The following CCDC82 variants were observed in gnomAD, a reference collection of about 807,000 sequenced individuals.
The protein encoded by CCDC82 is coiled-coil domain-containing protein 82.
CCDC82 carries 47 observed loss-of-function variants against 60.6 expected under a neutral mutation model. The observed-to-expected ratio is 0.77, with a 90% CI of 0.61 to 0.99. The LOEUF is 0.99. Ranked by LOEUF, CCDC82 falls within the 50% of genes least tolerant of loss-of-function variation. CCDC82 has a pLI of 0.00. For synonymous variants in CCDC82, 212 were observed against 207.4 expected (o/e 1.02, Z -0.19); for missense variants, 588 against 633.0 (o/e 0.93, Z 0.76).
At chr11:96,357,901 A>C in intron 9 of CCDC82, 3 of 985,438 alleles carry the variant, frequency 3.0e-6, no homozygotes, top group Non-Finnish European at 3.6e-6. Context: ...AAAGCTGAAA[A>C]GAATAAAATG....
At chr11:96,358,106 ATT>A in intron 9 of CCDC82, 1 of 985,444 alleles carries the variant, frequency 1.0e-6, no homozygotes, top group South Asian at 4.7e-5. Context: ...CTCTTGCCTT[ATT>A]TTTTATATTC....
intron 9 of CCDC82, chr11:96,357,756 A>G (rs1313696206): frequency 1.0e-6 from 1 of 985,334 alleles, no homozygotes; most frequent in Non-Finnish European, 1.2e-6. Flanking sequence ...AAAGCACTTA[A>G]GAATTTAATG....
chr11:96,354,205 G>T (rs1215685787), intron 9 of CCDC82: 1 of 152,344 alleles, frequency 6.6e-6, no homozygotes, highest in African/African-American at 2.4e-5. Context: ...GATAGGTCAT[G>T]GTTAGTTGAG....
chr11:96,372,723 TATATATAA>T (rs1188087225), intron 6 of CCDC82, among the ~76,000 whole-genome samples: 6 of 141,150 alleles, frequency 4.3e-5, no homozygotes, highest in Non-Finnish European at 6.0e-5. Flanking sequence ...TATATATTTA[TATATATAA>T]ATATATAAAT....
In CCDC82 at chr11:96,364,944, A is replaced by G. The variant is rs764752859; in HGVS notation, c.1380+36T>C. 5.2e-6 allele frequency: 8 copies of G among 1,538,464 alleles called. No homozygotes were observed. In the South Asian group the frequency reaches 1.0e-4, roughly 19 times the overall value. ...GATTATTTATGAAATAAAAATTTCT[A>G]AATACTGAAAATTAAGATTAGAGGG... On this transcript the variant is annotated intron_variant, in intron 8 of 9. Coordinates refer to ENST00000646818, the MANE Select transcript of CCDC82 (RefSeq NM_024725.4).
chr11:96,371,597 T>TA (rs1211442709), intron 6 of CCDC82, among the ~76,000 whole-genome samples: 1 of 152,208 alleles, frequency 6.6e-6, no homozygotes, highest in East Asian at 1.9e-4. Context: ...GTTCCCTTTG[T>TA]AAGCATCAAG....
intron 5 of CCDC82, among the ~76,000 whole-genome samples, chr11:96,378,847 A>G (rs895993307): frequency 2.0e-5 from 3 of 151,958 alleles, no homozygotes; most frequent in Non-Finnish European, 4.4e-5. Context: ...ATATAAAGAG[A>G]CACTAATAGG....
intron 8 of CCDC82, among the ~76,000 whole-genome samples, chr11:96,362,350 G>A (rs1406130866): frequency 6.6e-6 from 1 of 152,184 alleles, no homozygotes; most frequent in Non-Finnish European, 1.5e-5. Flanking sequence ...CTGGGGAAAA[G>A]TTTGTTTTCT....
chr11:96,368,009 C>T (rs1368646004), intron 7 of CCDC82, among the ~76,000 whole-genome samples: 12 of 151,752 alleles, frequency 7.9e-5, no homozygotes, highest in East Asian at 3.9e-4. Context: ...TTAGTAGATA[C>T]GGGGTTTCAC....
chr11:96,375,003 A>G (rs1001087559), intron 5 of CCDC82, among the ~76,000 whole-genome samples: 2 of 149,938 alleles, frequency 1.3e-5, no homozygotes, highest in African/African-American at 5.0e-5. Flanking sequence ...AAGAAATAAT[A>G]CTTCAATAGA....
At position 96,383,997 on chromosome 11, in the gene CCDC82, A is replaced by G; in HGVS notation, c.751T>C (p.Ser251Pro). 1 of 1,613,206 alleles carries G rather than the reference A, an allele frequency of 6.2e-7. No individual in the cohort carries two copies. The highest frequency in any genetic ancestry group is 8.5e-7 in the Non-Finnish European group (1 of 1,179,546). ...CTACCACTACTGCGTCTCTGACGAG[A>G]TCTTTGTTTTGAGAGTTCTTTGAGC... ...QKLKELSKQR[S>P]RQRRSSGRDF... Residue 251 changes from serine (S) to proline (P), a missense_variant, in exon 4 of 10, where the codon TCT becomes CCT. Transcript: ENST00000646818.
intron 7 of CCDC82, among the ~76,000 whole-genome samples, chr11:96,367,047 TAACAATCATCTG>T (rs1235589239): frequency 6.6e-6 from 1 of 152,228 alleles, no homozygotes; most frequent in Non-Finnish European, 1.5e-5. Context: ...TAAAAAATGC[TAACAATCATCTG>T]AACCTCCAGT....
intron 2 of CCDC82, 94 bp from the exon 3 acceptor site, chr11:96,386,387 C>A (rs925783193): frequency 6.6e-6 from 1 of 152,126 alleles, no homozygotes; most frequent in African/African-American, 2.4e-5. Flanking sequence ...ATGGTTAACA[C>A]CTCATGTAAA....
intron 6 of CCDC82, among the ~76,000 whole-genome samples, chr11:96,372,394 T>C (rs1431946699): frequency 1.3e-5 from 2 of 151,974 alleles, no homozygotes; most frequent in East Asian, 3.9e-4. Context: ...TCATTTATTG[T>C]CTGTCTCTCC....
intron 6 of CCDC82, 61 bp downstream of exon 6, chr11:96,373,314 G>C (rs1865382612): frequency 9.6e-7 from 1 of 1,038,110 alleles, no homozygotes; most frequent in Non-Finnish European, 1.5e-6. Context: ...TAAAAGTGAG[G>C]TTGTTTTAAA....
chr11:96,361,799 T>C (rs1769702295), intron 8 of CCDC82, among the ~76,000 whole-genome samples: 1 of 152,184 alleles, frequency 6.6e-6, no homozygotes, highest in Non-Finnish European at 1.5e-5. Flanking sequence ...GAAAAATATA[T>C]TTAGAACAAC....
chr11:96,371,237 T>C (rs909663832), intron 6 of CCDC82, 100 bp from the exon 7 acceptor site: 3 of 746,302 alleles, frequency 4.0e-6, no homozygotes, highest in Admixed American at 3.9e-5. Flanking sequence ...TTGGAAGCAT[T>C]TTAAATTAGG....
In CCDC82 at chr11:96,381,753, T is replaced by C. The variant is rs190434230; in HGVS notation, c.991+1516A>G. 7 of 151,938 alleles carry C rather than the reference T, an allele frequency of 4.6e-5. No individual in the cohort carries two copies. The East Asian group carries it at 1.3e-3, about 29-fold the overall frequency. 9.4% of individuals were successfully genotyped at this position (151,938 alleles called of 1,614,324 possible). On this transcript the variant is annotated intron_variant, in intron 5 of 9. Transcript: ENST00000646818. ...TAAAACCAATGGTTCTCAAAGTGTT[T>C]GTCCGCAGACCCCTGATAGTGCCCA... is the stretch of plus-strand genomic sequence containing the variant.
chr11:96,358,263 T>C, intron 9 of CCDC82: 1 of 1,089,304 alleles, frequency 9.2e-7, no homozygotes, highest in Non-Finnish European at 1.1e-6. Flanking sequence ...TAACTAGACT[T>C]GTTTTAGAAG....
Sources: allele counts gnomAD v4.1 joint callset (sites outside exome capture counted in the v4.1 genomes callset), GRCh38; gene constraint gnomAD v4.1.1; transcripts MANE v1.5; gene names NCBI Gene and HGNC (gene_info 2026-07-23, HGNC 2026-07-21).